The following TSHZ2 variants were observed in gnomAD, a reference collection of about 807,000 sequenced individuals.
The protein encoded by TSHZ2 is teashirt homolog 2.
TSHZ2 carries 21 observed loss-of-function variants against 74.4 expected under a neutral mutation model. That is an observed-to-expected ratio of 0.28 (90% CI 0.20 to 0.41). The LOEUF is 0.41. Among genes scored for constraint, TSHZ2 ranks in the 10% least tolerant of loss-of-function variants. The pLI, the probability that TSHZ2 is intolerant of heterozygous loss-of-function variation, is 1.00. For synonymous variants in TSHZ2, 540 were observed against 515.3 expected (o/e 1.05, Z -0.65); for missense variants, 1,244 against 1,293.5 (o/e 0.96, Z 0.59).
At chr20:52,980,524 A>T (rs1028168393) in intron 1 of TSHZ2, among the ~76,000 whole-genome samples, 1 of 152,208 alleles carries the variant, frequency 6.6e-6, no homozygotes, top group African/African-American at 2.4e-5. Flanking sequence ...CTGAAGGAAT[A>T]CTCTAAAATC....
intron 2 of TSHZ2, among the ~76,000 whole-genome samples, chr20:53,370,683 G>T (rs1172156285): frequency 6.6e-6 from 1 of 152,156 alleles, no homozygotes; most frequent in Non-Finnish European, 1.5e-5. Flanking sequence ...AAGATCGGTT[G>T]AGGCCAGGAG....
At chr20:53,208,189 A>G (rs1005843975) in intron 1 of TSHZ2, among the ~76,000 whole-genome samples, 1 of 152,214 alleles carries the variant, frequency 6.6e-6, no homozygotes, top group Non-Finnish European at 1.5e-5. Flanking sequence ...AGCCTCTAGC[A>G]TAAGTAATAA....
rs1981173341 is a variant in TSHZ2 at position 52,972,883 on chromosome 20, G to T, written c.-411G>T. On this transcript the variant is annotated 5_prime_UTR_variant, in exon 1 of 3. Coordinates refer to ENST00000371497, the MANE Select transcript of TSHZ2 (RefSeq NM_173485.6). ...TGCCTGTGGCGCGTGTGCGCCCCTC[G>T]TCCCTTCCATCCGAACCCGGGCTTG... 1 of 231,134 alleles carries T rather than the reference G, an allele frequency of 4.3e-6. No homozygotes were observed. The highest frequency in any genetic ancestry group is 2.3e-5 in the African/African-American group (1 of 42,834). 14.3% of individuals were successfully genotyped at this position (231,134 alleles called of 1,614,324 possible).
rs777773792 is a variant in TSHZ2 at position 53,053,598 on chromosome 20, TA to T, written c.40+80266del. On this transcript the variant is annotated intron_variant, in intron 1 of 2. Transcript: ENST00000371497. The stretch of plus-strand genomic sequence containing the variant: ...ATGTGTGTGTATATATATATATATA[TA>T]TTTTTCTCGATATCTAATGGAAGAG... Among the ~76,000 whole-genome samples, 469 of 152,102 alleles carry T rather than the reference TA, an allele frequency of 3.1e-3. 2 individuals carry two copies. The highest frequency in any genetic ancestry group is 0.014 in the Middle Eastern group (4 of 294).
chr20:53,132,613 G>A (rs1408409181), intron 1 of TSHZ2, among the ~76,000 whole-genome samples: 3 of 152,150 alleles, frequency 2.0e-5, no homozygotes, highest in South Asian at 2.1e-4. Context: ...CAAATAAAAC[G>A]CTAATCTTAG....
At chr20:53,052,643 T>C (rs1278107018) in intron 1 of TSHZ2, among the ~76,000 whole-genome samples, 1 of 152,252 alleles carries the variant, frequency 6.6e-6, no homozygotes, top group Non-Finnish European at 1.5e-5. Flanking sequence ...TCTTTAAGGC[T>C]GAGTATTATT....
chr20:53,226,721 A>G (rs1600753118), intron 1 of TSHZ2, among the ~76,000 whole-genome samples: 1 of 152,092 alleles, frequency 6.6e-6, no homozygotes, highest in South Asian at 2.1e-4. Flanking sequence ...TTTACCGGGT[A>G]CCGTCCTGTG....
intron 2 of TSHZ2, among the ~76,000 whole-genome samples, chr20:53,387,922 G>T (rs1156491607): frequency 3.3e-5 from 5 of 151,898 alleles, no homozygotes; most frequent in Non-Finnish European, 5.9e-5. Context: ...GGCAGCATGC[G>T]CCTGTAGTCC....
intron 2 of TSHZ2, among the ~76,000 whole-genome samples, chr20:53,280,498 C>T (rs1543079): frequency 0.14 from 20,887 of 152,110 alleles, 1,670 homozygotes; most frequent in African/African-American, 0.21. Context: ...GAGTAAGGAT[C>T]CAAAATGAGA....
chr20:53,019,266 T>TA (rs1568722260), intron 1 of TSHZ2, among the ~76,000 whole-genome samples: 1 of 151,778 alleles, frequency 6.6e-6, no homozygotes, highest in Non-Finnish European at 1.5e-5. Flanking sequence ...TTTTTTCTTT[T>TA]AAAGGAGACT....
At chr20:53,375,451 A>T (rs116947921) in intron 2 of TSHZ2, among the ~76,000 whole-genome samples, 262 of 152,358 alleles carry the variant, frequency 1.7e-3, no homozygotes, top group Non-Finnish European at 2.3e-3. Context: ...CCCCAAATGA[A>T]ATAATGACTT....
At chr20:53,137,868 A>G (rs1382968973) in intron 1 of TSHZ2, among the ~76,000 whole-genome samples, 3 of 152,182 alleles carry the variant, frequency 2.0e-5, no homozygotes, top group Non-Finnish European at 4.4e-5. Context: ...GGAACATACA[A>G]ATGAATACAT....
intron 1 of TSHZ2, among the ~76,000 whole-genome samples, chr20:53,042,053 A>G (rs541111177): frequency 1.1e-3 from 169 of 148,768 alleles, no homozygotes; most frequent in African/African-American, 3.8e-3. Flanking sequence ...CAAATGTGGG[A>G]AAAAAAAAAC....
chr20:53,482,475 G>A (rs1486954521), intron 2 of TSHZ2, among the ~76,000 whole-genome samples: 1 of 152,224 alleles, frequency 6.6e-6, no homozygotes, highest in African/African-American at 2.4e-5. Context: ...AATCAGGACT[G>A]AGGTCTTGAG....
rs371584428 is a variant in TSHZ2 at position 53,378,524 on chromosome 20, CCT to C, written c.*9-108619_*9-108618del. On this transcript the variant is annotated intron_variant, in intron 2 of 2. Coordinates refer to ENST00000371497, the MANE Select transcript of TSHZ2 (RefSeq NM_173485.6). ...CTTTAAAGCCCCAACAGGTTTTCCC[CCT>C]GTTTCAGTGTGTCTCTGAATATTCA... Among the ~76,000 whole-genome samples the C allele has an allele frequency of 1.6e-3, 246 of 152,094 alleles. No homozygotes were observed. In the South Asian group the frequency reaches 0.018, roughly 11 times the overall value.
chr20:53,237,946 AG>A (rs1302456153), intron 1 of TSHZ2, among the ~76,000 whole-genome samples: 1 of 152,196 alleles, frequency 6.6e-6, no homozygotes, highest in African/African-American at 2.4e-5. Flanking sequence ...AGCATTTTTA[AG>A]GCAAATCCAC....
chr20:53,229,266 CCAGTACGTCACCTTTGCCCTGGGT>C lies in TSHZ2; in HGVS notation c.41-24206_41-24183del, dbSNP rs562551796. Among the ~76,000 whole-genome samples the C allele has an allele frequency of 1.1e-3, 164 of 152,174 alleles. No homozygotes were observed. In the South Asian group the frequency reaches 0.011, roughly 10 times the overall value. On this transcript the variant is annotated intron_variant, in intron 1 of 2. Coordinates refer to ENST00000371497, the MANE Select transcript of TSHZ2 (RefSeq NM_173485.6). ...CCCACCCCCTAGAGGAGCAGCTAAC[CCAGTACGTCACCTTTGCCCTGGGT>C]CAGTACGTCACCTTTGCCCTGGGTC...
intron 1 of TSHZ2, among the ~76,000 whole-genome samples, chr20:53,199,136 G>A (rs756946512): frequency 2.6e-5 from 4 of 152,182 alleles, no homozygotes; most frequent in South Asian, 2.1e-4. Flanking sequence ...AGAGCCTGAC[G>A]TAGAGCCAAC....
At chr20:53,417,134 C>T (rs1347048212) in intron 2 of TSHZ2, among the ~76,000 whole-genome samples, 1 of 151,974 alleles carries the variant, frequency 6.6e-6, no homozygotes, top group Non-Finnish European at 1.5e-5. Flanking sequence ...CCAAAGACTC[C>T]TTCCAGTAGA....
Sources: allele counts gnomAD v4.1 joint callset (sites outside exome capture counted in the v4.1 genomes callset), GRCh38; gene constraint gnomAD v4.1.1; transcripts MANE v1.5; gene names NCBI Gene and HGNC (gene_info 2026-07-23, HGNC 2026-07-21).